Variants in OPRM1 observed in about 807,000 individuals in gnomAD.
OPRM1 encodes opioid receptor mu 1.
In OPRM1, 27 loss-of-function variants were observed where a neutral mutation model predicts 31.8. The ratio of observed to expected loss-of-function variants is 0.85; its 90% CI spans 0.63 to 1.17. The LOEUF (loss-of-function observed/expected upper bound fraction) is 1.17, where lower values mean the gene tolerates loss of function less well. Among genes scored for constraint, OPRM1 ranks in the 50% most tolerant of loss-of-function variants. The pLI, the probability that OPRM1 is intolerant of heterozygous loss-of-function variation, is 0.00. For synonymous variants in OPRM1, 196 were observed against 189.9 expected (o/e 1.03, Z -0.26); for missense variants, 536 against 511.1 (o/e 1.05, Z -0.47).
chr6:154,221,291 A>G (rs920388495), intron 3 of OPRM1: 1 of 1,613,976 alleles, frequency 6.2e-7, no homozygotes, highest in Non-Finnish European at 8.5e-7. Flanking sequence ...GCTGCAAAAT[A>G]AAAGGTCTTG....
intron 3 of OPRM1, among the ~76,000 whole-genome samples, chr6:154,192,678 C>A (rs1233582125): frequency 1.4e-4 from 21 of 151,776 alleles, no homozygotes; most frequent in Non-Finnish European, 2.9e-4. Flanking sequence ...AAAAAAATGA[C>A]TTAATCCTAT....
At chr6:154,029,293 C>T (rs180689217) in intron 1 of OPRM1, among the ~76,000 whole-genome samples, 6 of 152,094 alleles carry the variant, frequency 3.9e-5, no homozygotes, top group Admixed American at 1.3e-4. Context: ...AAACTAAACA[C>T]TCTAGAATAT....
At chr6:154,183,577 G>A (rs1322931610) in intron 3 of OPRM1, among the ~76,000 whole-genome samples, 1 of 152,190 alleles carries the variant, frequency 6.6e-6, no homozygotes, top group Admixed American at 6.5e-5. Flanking sequence ...ATAAAGGTAT[G>A]TTCTAACTAC....
At chr6:154,146,137 C>T (rs1437752297) in intron 3 of OPRM1, among the ~76,000 whole-genome samples, 5 of 152,218 alleles carry the variant, frequency 3.3e-5, no homozygotes, top group South Asian at 2.1e-4. Context: ...CAGTGGCTCA[C>T]GCCTGTAATC....
intron 1 of OPRM1, among the ~76,000 whole-genome samples, chr6:154,029,173 G>A (rs370645146): frequency 3.9e-5 from 6 of 152,042 alleles, no homozygotes; most frequent in South Asian, 2.1e-4. Context: ...AAACAGTGCC[G>A]CCTTTAAACT....
At chr6:154,014,063 G>A (rs1323300466) in intron 1 of OPRM1, among the ~76,000 whole-genome samples, 2 of 152,158 alleles carry the variant, frequency 1.3e-5, no homozygotes, top group Non-Finnish European at 2.9e-5. Context: ...CCATGGCGTG[G>A]ATGCTACTCC....
chr6:154,051,429 C>T (rs546761508), intron 1 of OPRM1, among the ~76,000 whole-genome samples: 1 of 152,278 alleles, frequency 6.6e-6, no homozygotes, highest in African/African-American at 2.4e-5. Context: ...AAATTTGGAT[C>T]TAAATGATTC....
intron 3 of OPRM1, among the ~76,000 whole-genome samples, chr6:154,196,825 G>A (rs1776659907): frequency 6.6e-6 from 1 of 152,158 alleles, no homozygotes; most frequent in Admixed American, 6.6e-5. Context: ...GCAATAGGAG[G>A]CAATTAACAC....
At chr6:154,018,327 C>T (rs554499084) in intron 1 of OPRM1, among the ~76,000 whole-genome samples, 7 of 151,994 alleles carry the variant, frequency 4.6e-5, no homozygotes, top group Non-Finnish European at 8.8e-5. Flanking sequence ...GGCTGAGGAA[C>T]GAGAATCACT....
rs1424638391 is a variant in OPRM1, at chr6:154,130,314, G to A, written c.*11593G>A. ...CTCCTGAGTAGCTGGGACTACAGGT[G>A]CCCGCCACAACACCTGGCTAATTTT... On this transcript the variant is annotated 3_prime_UTR_variant, in exon 4 of 4. Coordinates refer to ENST00000330432, the MANE Select transcript of OPRM1 (RefSeq NM_000914.5). Among the ~76,000 whole-genome samples, 1 of 151,530 alleles carries A rather than the reference G, an allele frequency of 6.6e-6. No individual in the cohort carries two copies. The highest frequency in any genetic ancestry group is 1.9e-4 in the East Asian group (1 of 5,164).
At chr6:154,100,106 T>TTATC (rs11460604) in intron 3 of OPRM1, among the ~76,000 whole-genome samples, 1 of 22,376 alleles carries the variant, frequency 4.5e-5, no homozygotes, top group Admixed American at 5.5e-4. Flanking sequence ...TTATGATATA[T>TTATC]ATATTATATA....
chr6:154,018,744 A>G (rs1409718203), intron 1 of OPRM1, among the ~76,000 whole-genome samples: 7 of 152,282 alleles, frequency 4.6e-5, no homozygotes, highest in African/African-American at 1.2e-4. Flanking sequence ...CTTTCTCTGC[A>G]TGGTTTATAC....
chr6:154,113,079 C>T (rs943006329), intron 3 of OPRM1, among the ~76,000 whole-genome samples: 3 of 152,236 alleles, frequency 2.0e-5, no homozygotes, highest in African/African-American at 7.2e-5. Context: ...GGCTACCATA[C>T]AAATTCTCCT....
At chr6:154,133,675 C>T (rs575709148), downstream of OPRM1, among the ~76,000 whole-genome samples, 32 of 152,232 alleles carry the variant, frequency 2.1e-4, no homozygotes, top group South Asian at 6.2e-3. Flanking sequence ...TGTCATGTAC[C>T]CGTGCCAGAA....
chr6:154,193,882 G>A (rs545284583), intron 3 of OPRM1, among the ~76,000 whole-genome samples: 1 of 152,258 alleles, frequency 6.6e-6, no homozygotes, highest in East Asian at 1.9e-4. Context: ...CAGACAAAAA[G>A]TGCTCAAAAA....
intron 3 of OPRM1, among the ~76,000 whole-genome samples, chr6:154,239,702 C>T (rs1274517520): frequency 3.0e-5 from 4 of 135,518 alleles, no homozygotes; most frequent in Admixed American, 2.9e-4. Context: ...ATTGTCTTCA[C>T]TGAAGAAACT....
chr6:154,242,736 A>G (rs1424367951), intron 3 of OPRM1, among the ~76,000 whole-genome samples: 1 of 152,032 alleles, frequency 6.6e-6, no homozygotes, highest in East Asian at 1.9e-4. Flanking sequence ...AAAATACAAA[A>G]ATTAGCGGGG....
At chr6:154,230,043 T>C (rs1254028267) in intron 3 of OPRM1, among the ~76,000 whole-genome samples, 4 of 151,998 alleles carry the variant, frequency 2.6e-5, no homozygotes, top group African/African-American at 7.3e-5. Flanking sequence ...AGCAGGACGG[T>C]GGTTGCCTGC....
Position 154,124,919 on chromosome 6 carries a change from A to G in OPRM1, c.*6198A>G, listed in dbSNP as rs1176794595. On this transcript the variant is annotated 3_prime_UTR_variant, in exon 4 of 4. Coordinates refer to ENST00000330432, the MANE Select transcript of OPRM1 (RefSeq NM_000914.5). ...AAATTATCTCTAAAAGCACTCAGACATTTTGTAGAGCAAGTAGCAATCTAT... is the reference window on the plus strand; with the variant it reads ...AAATTATCTCTAAAAGCACTCAGACGTTTTGTAGAGCAAGTAGCAATCTAT... Among the ~76,000 whole-genome samples the G allele has an allele frequency of 6.6e-6, 1 of 152,214 alleles. No homozygotes were observed. Among genetic ancestry groups the G allele is most frequent in the Non-Finnish European group, 1.5e-5 (1 of 68,030 alleles).
Sources: gnomAD v4.1 joint callset for allele counts (sites outside exome capture counted in the v4.1 genomes callset) on GRCh38, gnomAD v4.1.1 for gene constraint, MANE v1.5 for transcripts, NCBI Gene and HGNC (gene_info 2026-07-23, HGNC 2026-07-21) for gene names.